OPRD1: variants seen among roughly 807,000 people sequenced by gnomAD.
OPRD1 encodes delta-type opioid receptor.
Under a neutral mutation model 17.5 loss-of-function variants are expected in OPRD1, and 19 were observed. That is an observed-to-expected ratio of 1.09 (90% CI 0.76 to 1.60). OPRD1 has a LOEUF of 1.60. Ranked by LOEUF, OPRD1 falls within the 40% of genes most tolerant of loss-of-function variation. The pLI is 0.00. For missense variants in OPRD1, 483 were observed against 547.2 expected, an observed-to-expected ratio of 0.88 and a Z score of 1.17; for synonymous variants, 256 against 240.9, an observed-to-expected ratio of 1.06 and a Z score of -0.58.
chr1:28,815,343 C>T (rs961313749), intron 1 of OPRD1, among the ~76,000 whole-genome samples: 2 of 152,184 alleles, frequency 1.3e-5, no homozygotes, highest in African/African-American at 4.8e-5. Flanking sequence ...TGAGCTCAAG[C>T]AGTCCACCCG....
intron 1 of OPRD1, among the ~76,000 whole-genome samples, chr1:28,858,482 C>G (rs1022521747): frequency 6.6e-6 from 1 of 151,480 alleles, no homozygotes; most frequent in East Asian, 1.9e-4. Context: ...CTTCTGTTGT[C>G]GGGGAAAGGA....
chr1:28,847,947 C>T (rs2088967841), intron 1 of OPRD1, among the ~76,000 whole-genome samples: 1 of 151,690 alleles, frequency 6.6e-6, no homozygotes, highest in Non-Finnish European at 1.5e-5. Flanking sequence ...AAAAAAAACC[C>T]AGTTATTGGA....
intron 1 of OPRD1, among the ~76,000 whole-genome samples, chr1:28,824,169 A>G: frequency 6.9e-6 from 1 of 144,372 alleles, no homozygotes; most frequent in African/African-American, 2.6e-5. Flanking sequence ...ACAGAGTGAG[A>G]ACCTATCTCC....
At chr1:28,839,197 C>T (rs571181889) in intron 1 of OPRD1, among the ~76,000 whole-genome samples, 57 of 152,168 alleles carry the variant, frequency 3.7e-4, no homozygotes, top group Non-Finnish European at 6.2e-4. Flanking sequence ...TTCTCTGAAG[C>T]CTCTTGGGGA....
intron 1 of OPRD1, among the ~76,000 whole-genome samples, chr1:28,852,985 G>C (rs2089019517): frequency 1.3e-5 from 2 of 152,164 alleles, no homozygotes; most frequent in South Asian, 2.1e-4. Flanking sequence ...CTCCCAAAGT[G>C]CTGGGATTAC....
At chr1:28,820,634 CGAACAATAT>C (rs1348622606) in intron 1 of OPRD1, among the ~76,000 whole-genome samples, 2 of 151,802 alleles carry the variant, frequency 1.3e-5, no homozygotes, top group Non-Finnish European at 2.9e-5. Context: ...GAGACCAGCC[CGAACAATAT>C]GGCAAGACCC....
intron 1 of OPRD1, among the ~76,000 whole-genome samples, chr1:28,838,273 T>G (rs2088869607): frequency 6.6e-6 from 1 of 152,164 alleles, no homozygotes; most frequent in Admixed American, 6.5e-5. Flanking sequence ...TCAGAAATTC[T>G]GAAGTCTTGG....
intron 1 of OPRD1, among the ~76,000 whole-genome samples, chr1:28,846,931 T>C (rs2088958123): frequency 6.6e-6 from 1 of 150,382 alleles, no homozygotes; most frequent in African/African-American, 2.5e-5. Context: ...TTCTTTTTCT[T>C]CCTTCCTTCC....
At chr1:28,824,892 C>T (rs996398609) in intron 1 of OPRD1, among the ~76,000 whole-genome samples, 9 of 150,982 alleles carry the variant, frequency 6.0e-5, no homozygotes, top group Admixed American at 4.6e-4. Flanking sequence ...AGTGCAGTGG[C>T]GCGATCTCGG....
At chr1:28,820,189 C>A (rs990111240) in intron 1 of OPRD1, among the ~76,000 whole-genome samples, 4 of 148,704 alleles carry the variant, frequency 2.7e-5, no homozygotes, top group Admixed American at 2.7e-4. Flanking sequence ...CTCAGAGGAA[C>A]TAGATTTTTT....
chr1:28,853,541 A>G (rs2089027075), intron 1 of OPRD1, among the ~76,000 whole-genome samples: 1 of 152,206 alleles, frequency 6.6e-6, no homozygotes, highest in African/African-American at 2.4e-5. Flanking sequence ...GAATCAAGAA[A>G]TAGCCACGTA....
rs1212305945 is a variant in OPRD1 at position 28,868,391 on chromosome 1, C to T, written c.*5108C>T. On this transcript the variant is annotated 3_prime_UTR_variant, in exon 3 of 3. Transcript: ENST00000234961. ...TGATCTTAGGCAAGTCACTTCACCT[C>T]CACGAGAGCACTCTCTGAAAGCTAG... 2.6e-5 allele frequency: 4 copies of T among 152,362 alleles called. No homozygotes were observed. The East Asian group carries it at 7.7e-4, about 29-fold the overall frequency. 9.4% of individuals were successfully genotyped at this position (152,362 alleles called of 1,614,324 possible).
At chr1:28,846,053 T>A (rs1027802531) in intron 1 of OPRD1, among the ~76,000 whole-genome samples, 1 of 152,190 alleles carries the variant, frequency 6.6e-6, no homozygotes, top group African/African-American at 2.4e-5. Flanking sequence ...GTGATTTGAC[T>A]CCTGCAGATT....
intron 1 of OPRD1, among the ~76,000 whole-genome samples, chr1:28,813,100 T>TG (rs1433414525): frequency 1.3e-5 from 2 of 152,216 alleles, no homozygotes; most frequent in African/African-American, 4.8e-5. Context: ...GTGGGGCCCT[T>TG]ACCAAGTCAT....
intron 1 of OPRD1, among the ~76,000 whole-genome samples, chr1:28,827,064 G>A: frequency 6.6e-6 from 1 of 152,192 alleles, no homozygotes; most frequent in South Asian, 2.1e-4. Context: ...GGAGGCCAAG[G>A]TGGGCAGATC....
At chr1:28,824,180 A>C (rs1485613002) in intron 1 of OPRD1, among the ~76,000 whole-genome samples, 56 of 123,690 alleles carry the variant, frequency 4.5e-4, no homozygotes, top group African/African-American at 1.8e-3. Context: ...ACCTATCTCC[A>C]AAAAAAAAAA....
intron 2 of OPRD1, among the ~76,000 whole-genome samples, chr1:28,860,525 G>A (rs981853910): frequency 2.6e-5 from 4 of 152,166 alleles, no homozygotes; most frequent in African/African-American, 9.7e-5. Flanking sequence ...TGTTGAGAAG[G>A]TTAAAAGAGA....
At chr1:28,855,584 C>T (rs2089049704) in intron 1 of OPRD1, among the ~76,000 whole-genome samples, 3 of 152,146 alleles carry the variant, frequency 2.0e-5, no homozygotes, top group South Asian at 2.1e-4. Flanking sequence ...GAGAGGAGCC[C>T]GGGGCCCTAC....
At chr1:28,843,547 A>G (rs1333189695) in intron 1 of OPRD1, among the ~76,000 whole-genome samples, 1 of 152,114 alleles carries the variant, frequency 6.6e-6, no homozygotes, top group Non-Finnish European at 1.5e-5. Context: ...GTCTTTTTTG[A>G]CTGGCAAATT....
Sources: gnomAD v4.1 joint callset for allele counts (sites outside exome capture counted in the v4.1 genomes callset) on GRCh38, gnomAD v4.1.1 for gene constraint, MANE v1.5 for transcripts, NCBI Gene and HGNC (gene_info 2026-07-23, HGNC 2026-07-21) for gene names.